The following NRXN1 variants were observed in gnomAD, a reference collection of about 807,000 sequenced individuals.
The protein encoded by NRXN1 is neurexin 1.
A neutral mutation model predicts 150.9 loss-of-function variants in NRXN1; 39 were observed. That is an observed-to-expected ratio of 0.26 (90% CI 0.20 to 0.34). The LOEUF (loss-of-function observed/expected upper bound fraction) is 0.34. Ranked by LOEUF, NRXN1 falls within the 10% of genes least tolerant of loss-of-function variation. The probability of loss-of-function intolerance (pLI) is 1.00; values close to 1 mark genes in which losing one functional copy is unlikely to be tolerated. For synonymous variants in NRXN1, 924 were observed against 757.0 expected, an observed-to-expected ratio of 1.22 and a Z score of -3.62; for missense variants, 1,815 against 1,949.9, an observed-to-expected ratio of 0.93 and a Z score of 1.30.
intron 21 of NRXN1, among the ~76,000 whole-genome samples, chr2:49,980,978 T>C (rs894058486): frequency 2.0e-5 from 3 of 152,008 alleles, no homozygotes; most frequent in African/African-American, 4.8e-5. Flanking sequence ...GAAAATGAAA[T>C]AGTACACTGT....
At chr2:50,452,074 G>T (rs2087021294) in intron 17 of NRXN1, among the ~76,000 whole-genome samples, 1 of 152,176 alleles carries the variant, frequency 6.6e-6, no homozygotes, top group Non-Finnish European at 1.5e-5. Flanking sequence ...GTAGATATCT[G>T]AAAGAAGTTA....
chr2:50,049,364 A>C (rs898790205), intron 21 of NRXN1, among the ~76,000 whole-genome samples: 1 of 152,100 alleles, frequency 6.6e-6, no homozygotes, highest in Non-Finnish European at 1.5e-5. Context: ...AGTACAACTT[A>C]AGAGTTTCCT....
intron 8 of NRXN1, among the ~76,000 whole-genome samples, chr2:50,608,937 A>G (rs1465640452): frequency 6.6e-6 from 1 of 152,134 alleles, no homozygotes; most frequent in Non-Finnish European, 1.5e-5. Context: ...GTTCCTTTAC[A>G]AGGTACCCAT....
chr2:50,587,071 C>G lies in NRXN1; in HGVS notation c.1320+32951G>C, dbSNP rs548224080. 3.7e-4 allele frequency among the ~76,000 whole-genome samples: 56 copies of G among 152,404 alleles called. No individual in the cohort carries two copies. The South Asian group carries it at 8.9e-3, about 24-fold the overall frequency. ...CCAATGCAATCTTGTCTCTACCCAG[C>G]TCCCTGACCTTGGGCGAGACACAAT... On this transcript the variant is annotated intron_variant, in intron 8 of 22. Transcript: ENST00000401669.
At chr2:50,971,123 G>C (rs988244175) in intron 2 of NRXN1, among the ~76,000 whole-genome samples, 2 of 151,922 alleles carry the variant, frequency 1.3e-5, no homozygotes, top group Non-Finnish European at 2.9e-5. Flanking sequence ...ATTTTCTTTT[G>C]TTTGAAGAAA....
intron 19 of NRXN1, among the ~76,000 whole-genome samples, chr2:50,090,957 C>A (rs904809422): frequency 2.0e-5 from 3 of 152,160 alleles, no homozygotes; most frequent in Non-Finnish European, 4.4e-5. Flanking sequence ...TTATAATATT[C>A]TTTCCCTTAG....
chr2:50,570,880 G>T (rs1223163257), intron 8 of NRXN1, among the ~76,000 whole-genome samples: 2 of 152,190 alleles, frequency 1.3e-5, no homozygotes, highest in South Asian at 4.1e-4. Flanking sequence ...TTGTGATTTG[G>T]ATCAGGGAAA....
intron 2 of NRXN1, among the ~76,000 whole-genome samples, chr2:50,950,161 G>T (rs527541503): frequency 6.6e-6 from 1 of 152,070 alleles, no homozygotes; most frequent in Admixed American, 6.6e-5. Context: ...CTGGGAAAGT[G>T]GTTGCATTAT....
intron 5 of NRXN1, 147 bp from the exon 6 acceptor site, chr2:50,623,762 C>G (rs1299239836): frequency 2.6e-5 from 15 of 578,714 alleles, no homozygotes. Flanking sequence ...TCAAACAGTA[C>G]TGTACAGGGC....
intron 22 of NRXN1, among the ~76,000 whole-genome samples, chr2:49,936,606 G>A (rs1477721221): frequency 6.6e-6 from 1 of 151,870 alleles, no homozygotes; most frequent in Non-Finnish European, 1.5e-5. Flanking sequence ...TCTCAAATTA[G>A]TTCTATATAA....
intron 8 of NRXN1, chr2:50,589,302 C>T (rs181413833): frequency 6.6e-6 from 1 of 152,294 alleles, no homozygotes; most frequent in African/African-American, 2.4e-5. Flanking sequence ...AGTTAATAGC[C>T]CCTAGAATGG....
intron 5 of NRXN1, among the ~76,000 whole-genome samples, chr2:50,895,937 T>A (rs1681880763): frequency 6.6e-6 from 1 of 152,082 alleles, no homozygotes; most frequent in African/African-American, 2.4e-5. Flanking sequence ...AAAACCCATG[T>A]GAAATATATT....
At chr2:50,120,134 T>C (rs1235150488) in intron 18 of NRXN1, among the ~76,000 whole-genome samples, 2 of 149,422 alleles carry the variant, frequency 1.3e-5, no homozygotes, top group Non-Finnish European at 2.9e-5. Flanking sequence ...CTTGTAATTA[T>C]TCACTTTGTT....
intron 17 of NRXN1, among the ~76,000 whole-genome samples, chr2:50,328,005 GT>G (rs1227475601): frequency 1.1e-4 from 16 of 151,854 alleles, no homozygotes. Context: ...TTTTTTATAT[GT>G]GTATTCTGAT....
chr2:50,525,313 C>T (rs1016624803), intron 12 of NRXN1, among the ~76,000 whole-genome samples: 4 of 152,164 alleles, frequency 2.6e-5, no homozygotes, highest in African/African-American at 4.8e-5. Context: ...AATTTGTGTT[C>T]CTTCGTTAAT....
chr2:50,993,478 G>C (rs1426348397), intron 2 of NRXN1, among the ~76,000 whole-genome samples: 1 of 151,322 alleles, frequency 6.6e-6, no homozygotes, highest in Non-Finnish European at 1.5e-5. Flanking sequence ...CCCTTCTTTA[G>C]TCACTGCCTG....
chr2:50,450,314 G>C (rs1299360461), intron 17 of NRXN1, among the ~76,000 whole-genome samples: 4 of 151,892 alleles, frequency 2.6e-5, no homozygotes, highest in Non-Finnish European at 4.4e-5. Context: ...AGCACACAAT[G>C]AGCACTTAAA....
Position 51,028,048 on chromosome 2 carries a change from A to C in NRXN1, c.226T>G (p.Cys76Gly). The change falls in exon 2 of 23, where the codon TGC becomes GGC. Residue 76 changes from cysteine (C) to glycine (G), a missense_variant. Physicochemically the swap from Cys to Gly is radical, Grantham distance 159. Around this residue, in one of 6 missense-constraint regions of NRXN1, gnomAD observed 554 missense variants for 478.8 expected, o/e 1.16. Transcript: ENST00000401669. ...GTCAGAATCAGCTCCAGGAAGTCGC[A>C]GAAGCCCTCGTCGTCGAAGTAGAGC... The part of the protein sequence containing the change: ...LVLYFDDEGF[C>G]DFLELILTRG... The C allele has an allele frequency of 6.3e-7, 1 of 1,599,110 alleles. No individual in the cohort carries two copies. The highest frequency in any genetic ancestry group is 8.5e-7 in the Non-Finnish European group (1 of 1,176,628).
At chr2:50,637,330 A>G (rs2104450959) in intron 5 of NRXN1, among the ~76,000 whole-genome samples, 2 of 152,260 alleles carry the variant, frequency 1.3e-5, no homozygotes, top group South Asian at 4.1e-4. Flanking sequence ...CAGATTCCCT[A>G]TCTGGTTTGA....
Sources: allele counts gnomAD v4.1 joint callset (sites outside exome capture counted in the v4.1 genomes callset), GRCh38; gene constraint gnomAD v4.1.1; regional missense constraint gnomAD v4.1.1; transcripts MANE v1.5; gene names NCBI Gene and HGNC (gene_info 2026-07-23, HGNC 2026-07-21).